The following TSC22D2 variants were observed in gnomAD, a reference collection of about 807,000 sequenced individuals.
TSC22D2 encodes the protein TSC22 domain family member 2, also known as TSC22 domain family protein 2.
TSC22D2 carries 5 observed loss-of-function variants against 50.1 expected under a neutral mutation model. The ratio of observed to expected loss-of-function variants is 0.10; its 90% confidence interval spans 0.05 to 0.21. The LOEUF (loss-of-function observed/expected upper bound fraction) is 0.21, where lower values mean the gene tolerates loss of function less well. TSC22D2 is among the 10% of genes least tolerant of loss of function. The pLI, the probability that TSC22D2 is intolerant of heterozygous loss-of-function variation, is 1.00. For synonymous variants in TSC22D2, 501 were observed against 450.1 expected (o/e 1.11, Z -1.43); for missense variants, 1,003 against 1,015.5 (o/e 0.99, Z 0.17).
intron 1 of TSC22D2, among the ~76,000 whole-genome samples, chr3:150,434,001 C>T (rs1007828742): frequency 1.3e-5 from 2 of 152,254 alleles, no homozygotes; most frequent in Non-Finnish European, 2.9e-5. Context: ...CTTGAACCCA[C>T]GAGGTAGAGG....
At chr3:150,432,770 C>T (rs1396866685) in intron 1 of TSC22D2, among the ~76,000 whole-genome samples, 2 of 151,950 alleles carry the variant, frequency 1.3e-5, no homozygotes, top group African/African-American at 2.4e-5. Context: ...TATTTAAATC[C>T]GCAGTTGGGC....
rs146509328 is a variant in TSC22D2 at position 150,432,360 on chromosome 3, A to G, written c.1958+21052A>G. ...TAATTATTTTCAGGTGAAATTTTAG[A>G]AACAGTTTTGAAAAAGGTGGGAATA... On this transcript the variant is annotated intron_variant, in intron 1 of 2. Transcript: ENST00000688009. Among the ~76,000 whole-genome samples the G allele has an allele frequency of 1.3e-3, 194 of 152,254 alleles. 1 individual carries two copies. Among genetic ancestry groups the G allele is most frequent in the African/African-American group, 4.5e-3 (188 of 41,570 alleles).
chr3:150,448,918 G>C (rs985261560), intron 1 of TSC22D2, among the ~76,000 whole-genome samples: 1 of 151,092 alleles, frequency 6.6e-6, no homozygotes, highest in Non-Finnish European at 1.5e-5. Flanking sequence ...AATTTTTAAT[G>C]TAACATTTTT....
chr3:150,432,339 T>G (rs1469548760), intron 1 of TSC22D2, among the ~76,000 whole-genome samples: 3 of 152,156 alleles, frequency 2.0e-5, no homozygotes, highest in Non-Finnish European at 4.4e-5. Context: ...TTTTGATAAT[T>G]ATTTTCAGGT....
At chr3:150,446,678 C>T (rs756002347) in intron 1 of TSC22D2, among the ~76,000 whole-genome samples, 3 of 152,038 alleles carry the variant, frequency 2.0e-5, no homozygotes, top group Admixed American at 1.3e-4. Context: ...CTTGTGCTCT[C>T]CCTTTAGTCT....
rs1327849316 is a variant in TSC22D2 at position 150,408,502 on chromosome 3, C to T, written c.-849C>T. ...GCTACCTCACACAGCCGGGGCGCCT[C>T]CGGTCCCGTGCCAGCGGTCTGCCGC... On this transcript the variant is annotated 5_prime_UTR_variant, in exon 1 of 3. Coordinates refer to ENST00000688009, the MANE Select transcript of TSC22D2 (RefSeq NM_001303264.2). The T allele has an allele frequency of 2.6e-5, 4 of 152,400 alleles. No homozygotes were observed. Among genetic ancestry groups the T allele is most frequent in the Non-Finnish European group, 5.9e-5 (4 of 68,146 alleles). The allele number at this position is 152,400 out of a possible 1,614,324, so 9.4% of individuals were successfully genotyped here.
Position 150,410,251 on chromosome 3 carries a change from G to T in TSC22D2, c.901G>T (p.Gly301Trp). ...GCCGCCGTTCCCGGGAGCCGCGACCGGGCCGCAGCCAATGATGGCAGCCGC... is the reference window on the plus strand; with the variant it reads ...GCCGCCGTTCCCGGGAGCCGCGACCTGGCCGCAGCCAATGATGGCAGCCGC... ...PLPPFPGAAT[G>W]PQPMMAAAQP... The change falls in exon 1 of 3, where the codon GGG becomes TGG. Residue 301 changes from glycine (G) to tryptophan (W), a missense_variant. Gly to Trp is a radical substitution (Grantham distance 184). Around this residue, in one of 6 missense-constraint regions of TSC22D2, gnomAD observed 696 missense variants for 647.8 expected, o/e 1.07. Transcript: ENST00000688009. 1 of 1,559,002 alleles carries T rather than the reference G, an allele frequency of 6.4e-7. No individual in the cohort carries two copies. Among genetic ancestry groups the T allele is most frequent in the Non-Finnish European group, 8.7e-7 (1 of 1,152,732 alleles).
At chr3:150,432,585 TAA>T (rs1302059408) in intron 1 of TSC22D2, among the ~76,000 whole-genome samples, 1 of 147,380 alleles carries the variant, frequency 6.8e-6, no homozygotes. Flanking sequence ...GAGCTTTTTT[TAA>T]AAAAAAAAAA....
chr3:150,441,123 G>A (rs1445200503), intron 1 of TSC22D2, among the ~76,000 whole-genome samples: 2 of 151,090 alleles, frequency 1.3e-5, no homozygotes. Context: ...TAGTATGTTT[G>A]CCTTTTCAAA....
intron 1 of TSC22D2, among the ~76,000 whole-genome samples, chr3:150,433,376 A>T (rs1050190749): frequency 3.3e-5 from 5 of 152,216 alleles, no homozygotes; most frequent in Admixed American, 3.3e-4. Flanking sequence ...TAATTTCAGT[A>T]TCAATGCTAA....
At position 150,411,001 on chromosome 3, in the gene TSC22D2, A is replaced by T; in HGVS notation, c.1651A>T (p.Ser551Cys). 6.2e-7 allele frequency: 1 copy of T among 1,614,248 alleles called. No homozygotes were observed. Among genetic ancestry groups the T allele is most frequent in the Non-Finnish European group, 8.5e-7 (1 of 1,180,044 alleles). The change falls in exon 1 of 3, where the codon AGC (serine) becomes TGC (cysteine). Residue 551 changes from serine to cysteine, a missense_variant. Ser to Cys is a moderately radical substitution (Grantham distance 112, BLOSUM62 -1). Coordinates refer to ENST00000688009, the MANE Select transcript of TSC22D2 (RefSeq NM_001303264.2). The stretch of plus-strand genomic sequence containing the variant: ...CAGCCATACGCCAGTCAGCAGGAGC[A>T]GCAGCATAATCCAGCATGTTGGGCT... ...LSSHTPVSRS[S>C]SIIQHVGLPL... is the part of the protein sequence containing the mutation.
Position 150,409,769 on chromosome 3 carries a change from C to G in TSC22D2, c.419C>G (p.Ala140Gly). The G allele has an allele frequency of 1.2e-6, 2 of 1,601,866 alleles. No individual in the cohort carries two copies. Among genetic ancestry groups the G allele is most frequent in the Non-Finnish European group, 1.7e-6 (2 of 1,179,080 alleles). The change falls in exon 1 of 3, where the codon GCG becomes GGG. Residue 140 changes from alanine (A) to glycine (G), a missense_variant. Ala to Gly is a moderately conservative substitution (Grantham distance 60, BLOSUM62 0). Transcript: ENST00000688009. The surrounding 1 kb of genome is among the most constrained non-coding windows in gnomAD (Gnocchi z 7.4). ...GGAGCACCCGGCGGCCCCCAGCTCG[C>G]GGGCTCATCCGCCGGGCCAGTGACT... ...APGAPGGPQL[A>G]GSSAGPVTAA...
At chr3:150,416,462 T>C (rs1340934831) in intron 1 of TSC22D2, among the ~76,000 whole-genome samples, 4 of 152,198 alleles carry the variant, frequency 2.6e-5, no homozygotes, top group Non-Finnish European at 4.4e-5. Context: ...ATAAATTATT[T>C]AAGTGTATGG....
Position 150,410,665 on chromosome 3 carries a change from C to A in TSC22D2, c.1315C>A (p.Pro439Thr), listed in dbSNP as rs1474405544. 1.3e-6 allele frequency: 2 copies of A among 1,555,432 alleles called. No individual in the cohort carries two copies. Among genetic ancestry groups the A allele is most frequent in the Non-Finnish European group, 1.7e-6 (2 of 1,152,638 alleles). ...ASSQPSEAMA[P>T]RTGPAQGGQV... ...TTCCCAGCCCAGCGAAGCCATGGCCCCCCGGACGGGACCAGCGCAAGGCGG... is the reference window on the plus strand; with the variant it reads ...TTCCCAGCCCAGCGAAGCCATGGCCACCCGGACGGGACCAGCGCAAGGCGG... The change falls in exon 1 of 3, where the codon CCC (proline) becomes ACC (threonine). Residue 439 changes from proline to threonine, a missense_variant. Physicochemically the swap from Pro to Thr is conservative, Grantham distance 38. Transcript: ENST00000688009.
In TSC22D2 at chr3:150,409,715, C is replaced by T. The variant is rs1719435317; in HGVS notation, c.365C>T (p.Ala122Val). Residue 122 changes from alanine (A) to valine (V), a missense_variant, in exon 1 of 3, where the codon GCG becomes GTG. Physicochemically the swap from Ala to Val is moderately conservative, Grantham distance 64. This residue lies in a region of TSC22D2 where 200 missense variants were observed against 182.8 expected (regional missense o/e 1.09). Transcript: ENST00000688009. The surrounding 1 kb of genome is among the most constrained non-coding windows in gnomAD (Gnocchi z 7.4). ...SVSGALASTL[A>V]AAATSAPAPG... ...TCTGGGGCGCTCGCCAGTACCCTGGCGGCGGCTGCCACTTCGGCCCCCGCC... is the reference window on the plus strand; with the variant it reads ...TCTGGGGCGCTCGCCAGTACCCTGGTGGCGGCTGCCACTTCGGCCCCCGCC... 5.7e-6 allele frequency: 9 copies of T among 1,590,332 alleles called. No individual in the cohort carries two copies. Among genetic ancestry groups the T allele is most frequent in the East Asian group, 2.2e-5 (1 of 44,504 alleles).
chr3:150,448,646 ATCAGTCT>A (rs1441537439), intron 1 of TSC22D2, among the ~76,000 whole-genome samples: 3 of 152,174 alleles, frequency 2.0e-5, no homozygotes, highest in African/African-American at 7.2e-5. Context: ...TTACTTTTGT[ATCAGTCT>A]TCAATTTCTC....
rs1302059408 is a variant in TSC22D2, at chr3:150,432,585, T to TA, written c.1958+21289dup. ...TAAAATTCTATTGAAGAGCTTTTTT[T>TA]AAAAAAAAAAAATAATAAATAACTG... On this transcript the variant is annotated intron_variant, in intron 1 of 2. Coordinates refer to ENST00000688009, the MANE Select transcript of TSC22D2 (RefSeq NM_001303264.2). Among the ~76,000 whole-genome samples the TA allele has an allele frequency of 9.0e-4, 132 of 147,442 alleles. 1 individual carries two copies. The highest frequency in any genetic ancestry group is 1.6e-3 in the East Asian group (8 of 5,078).
At chr3:150,417,074 T>C (rs1315611386) in intron 1 of TSC22D2, among the ~76,000 whole-genome samples, 3 of 152,216 alleles carry the variant, frequency 2.0e-5, no homozygotes, top group South Asian at 4.1e-4. Flanking sequence ...ATACCTATTA[T>C]TAGGGTAGGC....
In TSC22D2 at chr3:150,462,639, C is replaced by CTTTTTTTTTTTTTTTTTTTTTTTTT. The variant is rs59588626; in HGVS notation, c.*4018_*4019insTTTTTTTTTTTTTTTTTTTTTTTTT. On this transcript the variant is annotated 3_prime_UTR_variant, in exon 3 of 3. Coordinates refer to ENST00000688009, the MANE Select transcript of TSC22D2 (RefSeq NM_001303264.2). ...TGCCTATTTTCTTTTTTTCTTTTTT[C>CTTTTTTTTTTTTTTTTTTTTTTTTT]TTTTTTTTTTTTTTTGAGACAGAGT... 1 of 133,112 alleles carries CTTTTTTTTTTTTTTTTTTTTTTTTT rather than the reference C, an allele frequency of 7.5e-6. No individual in the cohort carries two copies. Among genetic ancestry groups the CTTTTTTTTTTTTTTTTTTTTTTTTT allele is most frequent in the Non-Finnish European group, 1.6e-5 (1 of 64,032 alleles). 8.2% of individuals were successfully genotyped at this position (133,112 alleles called of 1,614,324 possible). A position where few individuals can be genotyped will look rare whatever the true frequency, so the allele number is the denominator to read the frequency against.
Sources: allele counts gnomAD v4.1 joint callset (sites outside exome capture counted in the v4.1 genomes callset), GRCh38; gene constraint gnomAD v4.1.1; regional missense constraint gnomAD v4.1.1; non-coding constraint Gnocchi (gnomAD v3.1); transcripts MANE v1.5; gene names NCBI Gene and HGNC (gene_info 2026-07-23, HGNC 2026-07-21).